HIF3A: variants seen among roughly 807,000 people sequenced by gnomAD.
HIF3A encodes the protein hypoxia-inducible factor 3-alpha.
Under a neutral mutation model 67.2 loss-of-function variants are expected in HIF3A, and 41 were observed. The ratio of observed to expected loss-of-function variants is 0.61; its 90% CI spans 0.48 to 0.79. The LOEUF (loss-of-function observed/expected upper bound fraction) is 0.79. Ranked by LOEUF, HIF3A falls within the 30% of genes least tolerant of loss-of-function variation. HIF3A has a pLI of 0.00. For synonymous variants in HIF3A, 356 were observed against 374.8 expected (o/e 0.95, Z 0.58); for missense variants, 855 against 898.0 (o/e 0.95, Z 0.61).
chr19:46,330,459 G>T (rs1971116514), intron 12 of HIF3A, among the ~76,000 whole-genome samples: 1 of 152,094 alleles, frequency 6.6e-6, no homozygotes, highest in Non-Finnish European at 1.5e-5. Context: ...AGGATAGATG[G>T]TGGATGGATG....
chr19:46,297,823 C>A lies in HIF3A; in HGVS notation c.26+721C>A, dbSNP rs73059735. 0.11 allele frequency among the ~76,000 whole-genome samples: 16,089 copies of A among 152,100 alleles called. 983 individuals are homozygous for A. The highest frequency in any genetic ancestry group is 0.26 in the East Asian group (1,349 of 5,130). On this transcript the variant is annotated intron_variant, in intron 1 of 14. Coordinates refer to ENST00000377670, the MANE Select transcript of HIF3A (RefSeq NM_152795.4). The surrounding 1 kb of genome is among the most constrained non-coding windows in gnomAD (Gnocchi z 4.5). ...CTTCCCAAAGTCCAGCCCCTCATCT[C>A]ACCCCTGCACCCCCATCCTGAGAGA...
chr19:46,308,649 C>G lies in HIF3A; in HGVS notation c.449-14C>G, dbSNP rs764599410. On this transcript the variant is annotated splice_polypyrimidine_tract_variant and intron_variant, in intron 4 of 14. Coordinates refer to ENST00000377670, the MANE Select transcript of HIF3A (RefSeq NM_152795.4). ...GCTGCCTGTGACCTCCCCGCTGCCC[C>G]CGGGCCTCCCCAGCCCTGTCCAGGA... is the stretch of plus-strand genomic sequence containing the variant. 1.3e-6 allele frequency: 2 copies of G among 1,548,530 alleles called. No individual in the cohort carries two copies. Among genetic ancestry groups the G allele is most frequent in the Admixed American group, 3.7e-5 (2 of 54,346 alleles).
chr19:46,322,402 C>T (rs1970440708), intron 10 of HIF3A, among the ~76,000 whole-genome samples: 1 of 152,080 alleles, frequency 6.6e-6, no homozygotes, highest in South Asian at 2.1e-4. Flanking sequence ...GCTCTTCAGA[C>T]ACCAGTCACA....
chr19:46,325,652 A>G lies in HIF3A; in HGVS notation c.1440+13A>G, dbSNP rs1970731424. ...AGATATAGCTCAGGTAAGGGCTGGC[A>G]TGGAAGGGAGTAATCCTCAGCCCTG... On this transcript the variant is annotated intron_variant, in intron 11 of 14. Coordinates refer to ENST00000377670, the MANE Select transcript of HIF3A (RefSeq NM_152795.4). 7.1e-6 allele frequency: 11 copies of G among 1,550,720 alleles called. No homozygotes were observed. The highest frequency in any genetic ancestry group is 1.4e-5 in the African/African-American group (1 of 73,522).
At chr19:46,333,788 CTTTTTTTTTT>C (rs1165101162) in intron 13 of HIF3A, among the ~76,000 whole-genome samples, 2 of 103,566 alleles carry the variant, frequency 1.9e-5, no homozygotes, top group East Asian at 5.2e-4. Flanking sequence ...TTCTTTCTTT[CTTTTTTTTTT>C]TTTTTTTTTT....
Position 46,321,926 on chromosome 19 carries a change from G to T in HIF3A, c.1295G>T (p.Ser432Ile), listed in dbSNP as rs1182758543. 7 of 1,614,008 alleles carry T rather than the reference G, an allele frequency of 4.3e-6. No individual in the cohort carries two copies. Among genetic ancestry groups the T allele is most frequent in the Non-Finnish European group, 5.9e-6 (7 of 1,180,010 alleles). Residue 432 changes from serine (S) to isoleucine (I), a missense_variant, in exon 10 of 15, where the codon AGC (serine) becomes ATC (isoleucine). Around this residue, in one of 3 missense-constraint regions of HIF3A, gnomAD observed 638 missense variants for 660.5 expected, o/e 0.97. Coordinates refer to ENST00000377670, the MANE Select transcript of HIF3A (RefSeq NM_152795.4). ...LDGASVAATP[S>I]TPLATRHPQS... is the part of the protein sequence containing the mutation. Reference sequence around the variant, plus strand: ...GGGGCTTCAGTAGCAGCCACTCCCAGCACCCCGCTGGCCACACGGCACCCC... The same window carrying T: ...GGGGCTTCAGTAGCAGCCACTCCCATCACCCCGCTGGCCACACGGCACCCC...
chr19:46,304,060 C>T lies in HIF3A; in HGVS notation c.189C>T (p.Tyr63=). The T allele has an allele frequency of 6.3e-7, 1 of 1,579,430 alleles. No homozygotes were observed. The highest frequency in any genetic ancestry group is 8.6e-7 in the Non-Finnish European group (1 of 1,163,728). ...CTATCATGCGCCTCACCATCAGCTA[C>T]CTGCGCATGCACCGCCTCTGCGCCG... ...KASIMRLTIS[Y]LRMHRLCAAG... Residue 63 remains tyrosine (Y), a synonymous_variant, in exon 2 of 15, where the codon TAC becomes TAT. Transcript: ENST00000377670.
intron 11 of HIF3A, among the ~76,000 whole-genome samples, chr19:46,326,692 T>C (rs1177460172): frequency 6.6e-6 from 1 of 152,108 alleles, no homozygotes; most frequent in Non-Finnish European, 1.5e-5. Flanking sequence ...TGTGGACTAA[T>C]GGGGACAAGT....
chr19:46,302,279 C>T (rs1208415077), intron 1 of HIF3A, among the ~76,000 whole-genome samples: 4 of 152,144 alleles, frequency 2.6e-5, no homozygotes, highest in Admixed American at 6.6e-5. Flanking sequence ...ACAAGGTGCC[C>T]ACCACCACGC....
chr19:46,324,726 C>T (rs755472952), intron 10 of HIF3A, among the ~76,000 whole-genome samples: 16 of 151,316 alleles, frequency 1.1e-4, no homozygotes, highest in East Asian at 2.0e-4. Flanking sequence ...TGGTGGAGGG[C>T]GCCTGTAATC....
chr19:46,335,301 C>T (rs1054311299), intron 14 of HIF3A, among the ~76,000 whole-genome samples: 6 of 149,126 alleles, frequency 4.0e-5, no homozygotes, highest in African/African-American at 1.5e-4. Context: ...TGAAGTCTCA[C>T]TCTTGTCGCC....
At chr19:46,319,531 G>A (rs1442759339) in intron 8 of HIF3A, among the ~76,000 whole-genome samples, 1 of 152,094 alleles carries the variant, frequency 6.6e-6, no homozygotes, top group Non-Finnish European at 1.5e-5. Flanking sequence ...TTCTAAACCT[G>A]TTCCCTTGAG....
At chr19:46,332,747 G>A (rs1273401339) in intron 13 of HIF3A, among the ~76,000 whole-genome samples, 1 of 152,170 alleles carries the variant, frequency 6.6e-6, no homozygotes, top group East Asian at 1.9e-4. Context: ...ACTTTGGGAG[G>A]ATGAGGCGGG....
rs1419419828 is a variant in HIF3A, at chr19:46,308,801, G to A, written c.561+26G>A. ...GTGCGTGGGGCCGGGCCAGAGGAGG[G>A]CGGGGACGCTGGGGCTGGGTGTGAG... On this transcript the variant is annotated intron_variant, in intron 5 of 14. Transcript: ENST00000377670. 4 of 1,462,834 alleles carry A rather than the reference G, an allele frequency of 2.7e-6. No individual in the cohort carries two copies. In the South Asian group the frequency reaches 4.8e-5, roughly 18 times the overall value. The allele number at this position is 1,462,834 out of a possible 1,614,324, so 90.6% of individuals were successfully genotyped here.
At chr19:46,335,748 G>A (rs1329178020) in intron 14 of HIF3A, among the ~76,000 whole-genome samples, 3 of 151,772 alleles carry the variant, frequency 2.0e-5, no homozygotes, top group African/African-American at 7.3e-5. Context: ...ATAAAAAAGA[G>A]TGCAAGAGGG....
At position 46,325,640 on chromosome 19, in the gene HIF3A, G is replaced by A. The variant is rs1227834381; in HGVS notation, c.1440+1G>A. ...GGAGACAGATTTAGATATAGCTCAG[G>A]TAAGGGCTGGCATGGAAGGGAGTAA... On this transcript the variant is annotated splice_donor_variant, in intron 11 of 14. Coordinates refer to ENST00000377670, the MANE Select transcript of HIF3A (RefSeq NM_152795.4). LOFTEE classifies it high-confidence loss of function. The A allele has an allele frequency of 6.3e-7, 1 of 1,597,418 alleles. No homozygotes were observed. The highest frequency in any genetic ancestry group is 8.6e-7 in the Non-Finnish European group (1 of 1,165,540).
chr19:46,337,698 G>A (rs959997940), intron 14 of HIF3A, among the ~76,000 whole-genome samples: 4 of 152,192 alleles, frequency 2.6e-5, no homozygotes, highest in Non-Finnish European at 5.9e-5. Flanking sequence ...CAGGGCCTTT[G>A]CATATCCTGA....
intron 9 of HIF3A, among the ~76,000 whole-genome samples, chr19:46,321,378 GT>G (rs1316604619): frequency 6.6e-6 from 1 of 152,174 alleles, no homozygotes; most frequent in African/African-American, 2.4e-5. Flanking sequence ...GAGGTCAGGA[GT>G]TTGAGATCAG....
At chr19:46,304,867 G>A (rs185870619) in intron 2 of HIF3A, among the ~76,000 whole-genome samples, 2 of 151,978 alleles carry the variant, frequency 1.3e-5, no homozygotes, top group African/African-American at 2.4e-5. Flanking sequence ...GAACCCCTTC[G>A]AGGCTTCCCC....
Sources: gnomAD v4.1 joint callset for allele counts (sites outside exome capture counted in the v4.1 genomes callset) on GRCh38, gnomAD v4.1.1 for gene constraint, gnomAD v4.1.1 regional missense constraint, Gnocchi (gnomAD v3.1) non-coding constraint, MANE v1.5 for transcripts, NCBI Gene and HGNC (gene_info 2026-07-23, HGNC 2026-07-21) for gene names.